FNBP1: variants seen among roughly 807,000 people sequenced by gnomAD.
FNBP1 encodes the protein formin-binding protein 1.
FNBP1 carries 26 observed loss-of-function variants against 90.6 expected under a neutral mutation model. The ratio of observed to expected loss-of-function variants is 0.29; its 90% CI spans 0.21 to 0.40. The LOEUF (loss-of-function observed/expected upper bound fraction) is 0.40, where lower values mean the gene tolerates loss of function less well. Ranked by LOEUF, FNBP1 falls within the 10% of genes least tolerant of loss-of-function variation. FNBP1 has a pLI of 1.00. For synonymous variants in FNBP1, 260 were observed against 265.2 expected (o/e 0.98, Z 0.19); for missense variants, 635 against 768.0 (o/e 0.83, Z 2.05).
At chr9:130,043,215 A>C (rs2132496362), upstream of FNBP1, 4 of 333,946 alleles carry the variant, frequency 1.2e-5, no homozygotes, top group East Asian at 8.8e-5. Flanking sequence ...CGCCCGCCCT[A>C]CACCCGGAGA....
At chr9:130,011,863 T>C (rs559697258) in intron 1 of FNBP1, among the ~76,000 whole-genome samples, 1 of 152,316 alleles carries the variant, frequency 6.6e-6, no homozygotes, top group South Asian at 2.1e-4. Flanking sequence ...ACAGATTCAA[T>C]GCAGTTCAAT....
intron 16 of FNBP1, among the ~76,000 whole-genome samples, chr9:129,891,988 C>T (rs1436032216): frequency 6.6e-6 from 1 of 152,132 alleles, no homozygotes; most frequent in Non-Finnish European, 1.5e-5. Flanking sequence ...AATCATGTTG[C>T]TGTATTCAAA....
intron 6 of FNBP1, among the ~76,000 whole-genome samples, chr9:129,931,758 A>G (rs2042780339): frequency 6.6e-6 from 1 of 152,026 alleles, no homozygotes; most frequent in South Asian, 2.1e-4. Context: ...TGACTGCGCC[A>G]CTGCACTCCA....
chr9:130,031,561 G>A lies in FNBP1; in HGVS notation c.24+11391C>T, dbSNP rs10988573. On this transcript the variant is annotated intron_variant, in intron 1 of 16. Transcript: ENST00000446176. This position sits in a 1 kb window ranked among gnomAD's most constrained non-coding sequence, Gnocchi z 4.2. ...CCTGTAAAACTTACTAGTCCTTCAG[G>A]ACTCCACTTGGATGCCATTTCCCCA... Among the ~76,000 whole-genome samples, 1,493 of 152,180 alleles carry A rather than the reference G, an allele frequency of 9.8e-3. 13 individuals are homozygous for A. Among genetic ancestry groups the A allele is most frequent in the East Asian group, 0.029 (151 of 5,172 alleles).
chr9:129,997,265 T>G (rs568573986), intron 1 of FNBP1, among the ~76,000 whole-genome samples: 1 of 151,872 alleles, frequency 6.6e-6, no homozygotes, highest in Non-Finnish European at 1.5e-5. Flanking sequence ...GAGGCAGAGG[T>G]TGCAGTGAGT....
intron 1 of FNBP1, among the ~76,000 whole-genome samples, chr9:130,016,936 T>C (rs1287307188): frequency 6.6e-6 from 1 of 152,060 alleles, no homozygotes; most frequent in African/African-American, 2.4e-5. Flanking sequence ...AGTCCCCTGA[T>C]CTCATGGAGC....
At chr9:129,903,209 A>G (rs2037298483) in intron 12 of FNBP1, among the ~76,000 whole-genome samples, 1 of 151,934 alleles carries the variant, frequency 6.6e-6, no homozygotes, top group South Asian at 2.1e-4. Flanking sequence ...ATGCCACCAC[A>G]CCCACCTAAT....
chr9:130,027,697 G>A (rs1014292788), intron 1 of FNBP1, among the ~76,000 whole-genome samples: 7 of 152,194 alleles, frequency 4.6e-5, no homozygotes, highest in Middle Eastern at 3.4e-3. Context: ...ACTGCTGGGC[G>A]TTAGAATCAT....
chr9:130,009,581 T>TC (rs2056268959), intron 1 of FNBP1, among the ~76,000 whole-genome samples: 1 of 151,794 alleles, frequency 6.6e-6, no homozygotes, highest in Non-Finnish European at 1.5e-5. Context: ...GGCGGGCGGA[T>TC]CACAAGGTCA....
intron 2 of FNBP1, among the ~76,000 whole-genome samples, chr9:129,985,852 C>T (rs529629002): frequency 6.6e-6 from 1 of 151,808 alleles, no homozygotes; most frequent in South Asian, 2.1e-4. Context: ...ATCCCAGCTG[C>T]TCGGAAGTCT....
chr9:129,947,296 C>T (rs1265504437), intron 6 of FNBP1, among the ~76,000 whole-genome samples: 3 of 151,680 alleles, frequency 2.0e-5, no homozygotes, highest in African/African-American at 7.3e-5. Flanking sequence ...AAAAATTAGC[C>T]GGGTGTGGTG....
intron 10 of FNBP1, among the ~76,000 whole-genome samples, chr9:129,923,614 C>T (rs2041446477): frequency 6.7e-6 from 1 of 149,758 alleles, no homozygotes; most frequent in African/African-American, 2.4e-5. Context: ...ATAGAAAGAA[C>T]TCTGGGCTGT....
At chr9:130,007,525 T>C (rs1321610094) in intron 1 of FNBP1, among the ~76,000 whole-genome samples, 1 of 152,116 alleles carries the variant, frequency 6.6e-6, no homozygotes, top group Non-Finnish European at 1.5e-5. Context: ...TCTGAGCAGA[T>C]GAGATTAGGA....
chr9:130,006,502 A>G (rs1564556827), intron 1 of FNBP1, among the ~76,000 whole-genome samples: 1 of 150,622 alleles, frequency 6.6e-6, no homozygotes, highest in Non-Finnish European at 1.5e-5. Context: ...TCAAAAAGAA[A>G]CAAAACAAAA....
intron 6 of FNBP1, among the ~76,000 whole-genome samples, chr9:129,944,413 C>T (rs79493276): frequency 0.082 from 12,370 of 150,810 alleles, 561 homozygotes; most frequent in South Asian, 0.091. Context: ...TCGTGGTGGG[C>T]GCCTGTAGTC....
At chr9:129,913,082 C>T (rs1303090019) in intron 11 of FNBP1, among the ~76,000 whole-genome samples, 1 of 151,570 alleles carries the variant, frequency 6.6e-6, no homozygotes, top group East Asian at 2.0e-4. Context: ...ATGGCAGTTG[C>T]CTGTAATCCC....
At chr9:130,052,923 TG>T in the FNBP1 span, among the ~76,000 whole-genome samples, 2 of 151,846 alleles carry the variant, frequency 1.3e-5, no homozygotes, top group African/African-American at 4.8e-5. Flanking sequence ...GAGACCAGCC[TG>T]GCCAACATGG....
intron 6 of FNBP1, among the ~76,000 whole-genome samples, chr9:129,932,474 T>C (rs1564366321): frequency 1.3e-5 from 2 of 152,226 alleles, no homozygotes; most frequent in African/African-American, 2.4e-5. Context: ...CATACTCATC[T>C]GGTGAAAGCC....
intron 11 of FNBP1, among the ~76,000 whole-genome samples, chr9:129,913,455 G>A (rs931404522): frequency 6.6e-6 from 1 of 151,960 alleles, no homozygotes; most frequent in Non-Finnish European, 1.5e-5. Context: ...TTCTGTAAGA[G>A]AAGCTTGTTC....
Sources: gnomAD v4.1 joint callset for allele counts (sites outside exome capture counted in the v4.1 genomes callset) on GRCh38, gnomAD v4.1.1 for gene constraint, Gnocchi (gnomAD v3.1) non-coding constraint, MANE v1.5 for transcripts, NCBI Gene and HGNC (gene_info 2026-07-23, HGNC 2026-07-21) for gene names.